The following RERE variants were observed in gnomAD, a reference collection of about 807,000 sequenced individuals.
RERE encodes the protein arginine-glutamic acid dipeptide repeats, also known as arginine-glutamic acid dipeptide repeats protein.
A neutral mutation model predicts 146.1 loss-of-function variants in RERE; 40 were observed. That is an observed-to-expected ratio of 0.27 (90% confidence interval 0.21 to 0.36). The LOEUF is 0.36. RERE is among the 10% of genes least tolerant of loss of function. The pLI is 1.00. For missense variants in RERE, 1,933 were observed against 2,138.7 expected (o/e 0.90, Z 1.90); for synonymous variants, 1,003 against 866.0 (o/e 1.16, Z -2.78).
In RERE at chr1:8,431,542, G is replaced by A. The variant is rs569858196; in HGVS notation, c.1204-8735C>T. Reference sequence around the variant, plus strand: ...ATAAAGTGCACAATAAATGTAATGCGCTTGAATCATCCTGAAACCATCCTT... The same window carrying A: ...ATAAAGTGCACAATAAATGTAATGCACTTGAATCATCCTGAAACCATCCTT... On this transcript the variant is annotated intron_variant, in intron 11 of 22. Coordinates refer to ENST00000400908, the MANE Select transcript of RERE (RefSeq NM_001042681.2). Among the ~76,000 whole-genome samples, 33 of 152,152 alleles carry A rather than the reference G, an allele frequency of 2.2e-4. No homozygotes were observed. In the South Asian group the frequency reaches 3.3e-3, roughly 15 times the overall value.
At chr1:8,594,309 C>G (rs943730497) in intron 4 of RERE, among the ~76,000 whole-genome samples, 1 of 152,188 alleles carries the variant, frequency 6.6e-6, no homozygotes, top group African/African-American at 2.4e-5. Context: ...GTGAAATCAT[C>G]TCATCACGAC....
chr1:8,363,667 A>C, intron 15 of RERE: 1 of 213,692 alleles, frequency 4.7e-6, no homozygotes. Context: ...AGTTTCCAAA[A>C]CGGGATCAAA....
Position 8,677,433 on chromosome 1 carries a change from A to AG in RERE, c.-144-20993_-144-20992insC, listed in dbSNP as rs546603777. On this transcript the variant is annotated intron_variant, in intron 1 of 22. Coordinates refer to ENST00000400908, the MANE Select transcript of RERE (RefSeq NM_001042681.2). ...AGAGTGAGTCTCCGTCTCAAAAAAA[A>AG]AAAAAAAGAAAGAAAGAAAAGAAAA... 9.9e-5 allele frequency among the ~76,000 whole-genome samples: 15 copies of AG among 151,648 alleles called. No homozygotes were observed. The South Asian group carries it at 3.1e-3, about 32-fold the overall frequency.
At chr1:8,741,007 G>A (rs920920007) in intron 1 of RERE, among the ~76,000 whole-genome samples, 7 of 152,128 alleles carry the variant, frequency 4.6e-5, no homozygotes, top group African/African-American at 1.2e-4. Flanking sequence ...TACTGTCCAC[G>A]ATTGAATGTG....
intron 4 of RERE, among the ~76,000 whole-genome samples, chr1:8,600,258 C>A (rs1366782254): frequency 6.6e-6 from 1 of 152,178 alleles, no homozygotes; most frequent in Non-Finnish European, 1.5e-5. Context: ...AAAAATCACC[C>A]AGTCTCCGTA....
chr1:8,364,058 A>G lies in RERE; in HGVS notation c.1738T>C (p.Ser580Pro). ...CCCCATGGCCCCAGGGGACTCACCG[A>G]GCCCCGACTCCGCCGTGTCCTCATG... Reference protein sequence around the residue: ...HSMRTRRSRGSMSTLRSGRKK... With the variant: ...HSMRTRRSRGPMSTLRSGRKK... The change falls in exon 15 of 23, where the codon TCG (serine) becomes CCG (proline). Residue 580 changes from serine to proline, a missense_variant and splice_region_variant. Physicochemically the swap from Ser to Pro is moderately conservative, Grantham distance 74. Coordinates refer to ENST00000400908, the MANE Select transcript of RERE (RefSeq NM_001042681.2). This position sits in a 1 kb window ranked among gnomAD's most constrained non-coding sequence, Gnocchi z 5.1. 1 of 1,614,010 alleles carries G rather than the reference A, an allele frequency of 6.2e-7. No individual in the cohort carries two copies. Among genetic ancestry groups the G allele is most frequent in the Non-Finnish European group, 8.5e-7 (1 of 1,179,958 alleles).
intron 4 of RERE, among the ~76,000 whole-genome samples, chr1:8,602,509 C>A (rs1646645680): frequency 1.1e-5 from 1 of 92,590 alleles, no homozygotes; most frequent in Non-Finnish European, 2.0e-5. Flanking sequence ...TCCAATAGTT[C>A]AGGGGAAAAA....
chr1:8,376,840 T>C (rs1570089150), intron 12 of RERE, among the ~76,000 whole-genome samples: 1 of 152,250 alleles, frequency 6.6e-6, no homozygotes, highest in Middle Eastern at 3.4e-3. Context: ...TCAGTGGTTC[T>C]GAACTGCGGC....
At chr1:8,796,205 A>C (rs1641470883) in intron 1 of RERE, among the ~76,000 whole-genome samples, 1 of 152,120 alleles carries the variant, frequency 6.6e-6, no homozygotes, top group Admixed American at 6.6e-5. Context: ...TGGGGTGTTT[A>C]ATTTATATTC....
At chr1:8,800,398 C>A (rs1224640994) in intron 1 of RERE, among the ~76,000 whole-genome samples, 1 of 152,064 alleles carries the variant, frequency 6.6e-6, no homozygotes, top group Non-Finnish European at 1.5e-5. Context: ...ACACTCAGAA[C>A]GAAGTATTCC....
intron 4 of RERE, among the ~76,000 whole-genome samples, chr1:8,564,864 G>A (rs988778436): frequency 1.3e-4 from 17 of 130,926 alleles, no homozygotes; most frequent in Non-Finnish European, 2.4e-4. Flanking sequence ...GTGTGTGTGT[G>A]TGTGTGTATA....
rs1167501074 is a variant in RERE at position 8,607,534 on chromosome 1, CTTTTTTTTTTTTTTT to C, written c.522+7012_522+7026del. Among the ~76,000 whole-genome samples, 47 of 48,586 alleles carry C rather than the reference CTTTTTTTTTTTTTTT, an allele frequency of 9.7e-4. 2 individuals are homozygous for C. Among genetic ancestry groups the C allele is most frequent in the African/African-American group, 3.5e-3 (41 of 11,664 alleles). The allele number at this position is 48,586 out of a possible 152,430, so 31.9% of individuals were successfully genotyped here. On this transcript the variant is annotated intron_variant, in intron 4 of 22. Transcript: ENST00000400908. The stretch of plus-strand genomic sequence containing the variant: ...CGCATATTTGTTTTTATATATATTT[CTTTTTTTTTTTTTTT>C]TTTTTTTTTTTTTTGAGACGGAGTC...
In RERE at chr1:8,614,565, A is replaced by C; in HGVS notation, c.518T>G (p.Val173Gly). 5.6e-6 allele frequency: 9 copies of C among 1,613,022 alleles called. No homozygotes were observed. The highest frequency in any genetic ancestry group is 7.6e-6 in the Non-Finnish European group (9 of 1,179,384). Reference protein sequence around the residue: ...QHLSEAGRGPVGSKRDHLLMN... With the variant: ...QHLSEAGRGPGGSKRDHLLMN... ...TAAAAACGGGATTCTCCTTACCCCT[A>C]CAGGCCCTCTCCCGGCTTCAGAAAG... The change falls in exon 4 of 23, where the codon GTA becomes GGA. Residue 173 changes from valine to glycine, a missense_variant. Physicochemically the swap from Val to Gly is moderately radical, Grantham distance 109. Transcript: ENST00000400908.
At chr1:8,498,216 G>A (rs191715627) in intron 8 of RERE, among the ~76,000 whole-genome samples, 121 of 151,482 alleles carry the variant, frequency 8.0e-4, no homozygotes, top group African/African-American at 2.5e-3. Context: ...AAAAGTAGCC[G>A]AGCACGGTGG....
At chr1:8,459,722 G>C (rs1052393478) in intron 11 of RERE, among the ~76,000 whole-genome samples, 3 of 152,144 alleles carry the variant, frequency 2.0e-5, no homozygotes, top group Non-Finnish European at 2.9e-5. Context: ...GTGAGACGAC[G>C]TGTTAGTGGT....
chr1:8,550,648 G>T (rs1645922768), intron 6 of RERE, among the ~76,000 whole-genome samples: 1 of 152,108 alleles, frequency 6.6e-6, no homozygotes, highest in Admixed American at 6.5e-5. Flanking sequence ...CCAGGTTAAA[G>T]CGATTCTCCT....
At chr1:8,655,100 A>G (rs1638239503) in intron 2 of RERE, among the ~76,000 whole-genome samples, 1 of 152,210 alleles carries the variant, frequency 6.6e-6, no homozygotes, top group Non-Finnish European at 1.5e-5. Flanking sequence ...CATTTTCTGG[A>G]AAACCAAGCA....
intron 6 of RERE, 55 bp downstream of exon 6, chr1:8,556,420 C>T (rs1646007340): frequency 2.0e-6 from 2 of 1,017,010 alleles, no homozygotes; most frequent in Non-Finnish European, 3.1e-6. Flanking sequence ...TACTCTCCAC[C>T]TCCTGCACTC....
At chr1:8,457,789 C>T (rs1216935364) in intron 11 of RERE, among the ~76,000 whole-genome samples, 2 of 151,926 alleles carry the variant, frequency 1.3e-5, no homozygotes, top group African/African-American at 2.4e-5. Context: ...TTAGTAGAGA[C>T]GGTGTTTCGC....
Sources: allele counts gnomAD v4.1 joint callset (sites outside exome capture counted in the v4.1 genomes callset), GRCh38; gene constraint gnomAD v4.1.1; non-coding constraint Gnocchi (gnomAD v3.1); transcripts MANE v1.5; gene names NCBI Gene and HGNC (gene_info 2026-07-23, HGNC 2026-07-21).